Variants in LMNTD1 observed in about 807,000 individuals in gnomAD.
LMNTD1 encodes lamin tail domain-containing protein 1.
A neutral mutation model predicts 50.9 loss-of-function variants in LMNTD1; 35 were observed. The observed-to-expected ratio is 0.69, with a 90% confidence interval of 0.53 to 0.91. The LOEUF (loss-of-function observed/expected upper bound fraction) is 0.91. LMNTD1 is among the 40% of genes least tolerant of loss of function. LMNTD1 has a pLI of 0.00. For missense variants in LMNTD1, 470 were observed against 475.5 expected (o/e 0.99, Z 0.11); for synonymous variants, 153 against 161.9 (o/e 0.94, Z 0.42).
intron 1 of LMNTD1, among the ~76,000 whole-genome samples, chr12:25,625,853 T>C (rs1946578243): frequency 6.6e-6 from 1 of 151,894 alleles, no homozygotes; most frequent in Non-Finnish European, 1.5e-5. Flanking sequence ...CCCACTGTGG[T>C]GGCCTCCTGC....
chr12:25,503,578 G>A (rs988970254), intron 9 of LMNTD1, among the ~76,000 whole-genome samples, 160 bp downstream of exon 9: 1 of 152,130 alleles, frequency 6.6e-6, no homozygotes, highest in Non-Finnish European at 1.5e-5. Context: ...GACAAAAACT[G>A]ATGGCTCTAA....
chr12:25,595,487 C>G (rs1945823708), intron 1 of LMNTD1, among the ~76,000 whole-genome samples: 1 of 151,932 alleles, frequency 6.6e-6, no homozygotes, highest in Non-Finnish European at 1.5e-5. Flanking sequence ...ATCATTGGGT[C>G]AAAAATGAAA....
At chr12:25,546,287 A>G (rs1565463845) in intron 4 of LMNTD1, 87 bp downstream of exon 4, 3 of 709,914 alleles carry the variant, frequency 4.2e-6, no homozygotes, top group South Asian at 3.6e-5. Context: ...AATAATGCAT[A>G]TAACTACAGA....
intron 4 of LMNTD1, among the ~76,000 whole-genome samples, chr12:25,536,826 T>G (rs1362981475): frequency 2.0e-5 from 3 of 152,262 alleles, no homozygotes; most frequent in African/African-American, 4.8e-5. Flanking sequence ...CAGGTTCATC[T>G]CACTAGGGAG....
chr12:25,618,597 G>A (rs34346254), intron 1 of LMNTD1, among the ~76,000 whole-genome samples: 1 of 152,116 alleles, frequency 6.6e-6, no homozygotes, highest in Non-Finnish European at 1.5e-5. Context: ...GACTGTGGGA[G>A]GGGCTGGCAT....
At chr12:25,576,987 A>C (rs1945050124) in intron 1 of LMNTD1, among the ~76,000 whole-genome samples, 1 of 152,122 alleles carries the variant, frequency 6.6e-6, no homozygotes, top group Non-Finnish European at 1.5e-5. Context: ...GGTTTGTCAA[A>C]GATCAGATGG....
At chr12:25,637,022 G>A (rs996467517) in intron 1 of LMNTD1, among the ~76,000 whole-genome samples, 14 of 152,014 alleles carry the variant, frequency 9.2e-5, no homozygotes, top group Non-Finnish European at 1.8e-4. Context: ...ATAAAAGACT[G>A]CAGATATGGT....
At chr12:25,566,331 T>C (rs562128754) in intron 1 of LMNTD1, among the ~76,000 whole-genome samples, 1 of 152,338 alleles carries the variant, frequency 6.6e-6, no homozygotes, top group East Asian at 1.9e-4. Flanking sequence ...TTCAAATAGC[T>C]TGGCTTCAGT....
At chr12:25,488,934 C>G (rs1379566156) in intron 9 of LMNTD1, among the ~76,000 whole-genome samples, 2 of 152,200 alleles carry the variant, frequency 1.3e-5, no homozygotes, top group African/African-American at 2.4e-5. Context: ...CCCAGTTAGG[C>G]TGCTCGGGGG....
intron 1 of LMNTD1, among the ~76,000 whole-genome samples, chr12:25,573,109 CCTGT>C (rs1241280843): frequency 2.0e-5 from 3 of 152,100 alleles, no homozygotes; most frequent in Non-Finnish European, 2.9e-5. Context: ...TCCCCGACCT[CCTGT>C]CTTTCTCCAA....
intron 1 of LMNTD1, among the ~76,000 whole-genome samples, chr12:25,621,073 C>T (rs1387235911): frequency 6.6e-6 from 1 of 152,186 alleles, no homozygotes; most frequent in Non-Finnish European, 1.5e-5. Flanking sequence ...CATCTCTATT[C>T]ATTAGCTGTT....
chr12:25,542,751 GA>G (rs56007659), intron 4 of LMNTD1, among the ~76,000 whole-genome samples: 2 of 144,428 alleles, frequency 1.4e-5, no homozygotes, highest in African/African-American at 2.5e-5. Context: ...AAAAAAAGAA[GA>G]AAAAAAAAGC....
chr12:25,539,464 C>T (rs921570809), intron 4 of LMNTD1, among the ~76,000 whole-genome samples: 9 of 150,314 alleles, frequency 6.0e-5, no homozygotes, highest in Middle Eastern at 6.8e-3. Context: ...CAACCTGCTC[C>T]TGAATGACTA....
rs79164024 is a variant in LMNTD1, at chr12:25,578,978, T to C, written c.59-32424A>G. 1.8e-3 allele frequency among the ~76,000 whole-genome samples: 270 copies of C among 152,332 alleles called. 4 individuals are homozygous for C. The East Asian group carries it at 0.047, about 26-fold the overall frequency. ...TAGGCAGATCTGTTCAGCATCCTGA[T>C]TCTGTTCTTAGACAAATGAAAACAT... On this transcript the variant is annotated intron_variant, in intron 1 of 7. Transcript: ENST00000445693.
chr12:25,517,654 A>C (rs916119767), intron 8 of LMNTD1, among the ~76,000 whole-genome samples: 7 of 142,898 alleles, frequency 4.9e-5, no homozygotes, highest in Admixed American at 4.4e-4. Context: ...ACATGTATAC[A>C]TATGTAACTA....
At chr12:25,634,314 A>G (rs548916781) in intron 1 of LMNTD1, among the ~76,000 whole-genome samples, 2 of 152,310 alleles carry the variant, frequency 1.3e-5, no homozygotes, top group South Asian at 4.1e-4. Flanking sequence ...AGAAAGAAAG[A>G]ACCCTCCCTA....
At position 25,517,316 on chromosome 12, in the gene LMNTD1, A is replaced by C. The variant is rs1334591073; in HGVS notation, c.1189+1479T>G. Among the ~76,000 whole-genome samples, 2 of 59,856 alleles carry C rather than the reference A, an allele frequency of 3.3e-5. 1 individual carries two copies. The highest frequency in any genetic ancestry group is 8.2e-5 in the African/African-American group (2 of 24,324). 39.3% of individuals were successfully genotyped at this position (59,856 alleles called of 152,430 possible). ...AGACTTGGAATCAACCCAAATGTCC[A>C]ATAATGATAGACTGGATTAAGAAAA... On this transcript the variant is annotated intron_variant, in intron 8 of 9. Transcript: ENST00000458174.
At chr12:25,594,376 C>G (rs1945787318) in intron 1 of LMNTD1, among the ~76,000 whole-genome samples, 1 of 152,026 alleles carries the variant, frequency 6.6e-6, no homozygotes, top group African/African-American at 2.4e-5. Flanking sequence ...CAGCAGAAAC[C>G]CTATGAGCTA....
chr12:25,528,941 T>A (rs1942020259), intron 4 of LMNTD1, among the ~76,000 whole-genome samples: 2 of 152,146 alleles, frequency 1.3e-5, no homozygotes, highest in South Asian at 4.1e-4. Flanking sequence ...CCTACTGCCA[T>A]CACAACCTAG....
Sources: gnomAD v4.1 joint callset for allele counts (sites outside exome capture counted in the v4.1 genomes callset) on GRCh38, gnomAD v4.1.1 for gene constraint, MANE v1.5 for transcripts, NCBI Gene and HGNC (gene_info 2026-07-23, HGNC 2026-07-21) for gene names.